Variants in AGMO observed in about 807,000 individuals in gnomAD.
The protein encoded by AGMO is glyceryl-ether monooxygenase.
Under a neutral mutation model 60.2 loss-of-function variants are expected in AGMO, and 75 were observed. That is an observed-to-expected ratio of 1.25 (90% CI 1.03 to 1.51). The LOEUF (loss-of-function observed/expected upper bound fraction) is 1.51. Ranked by LOEUF, AGMO falls within the 40% of genes most tolerant of loss-of-function variation. AGMO has a pLI of 0.00. For synonymous variants in AGMO, 261 were observed against 177.1 expected, an observed-to-expected ratio of 1.47 and a Z score of -3.76; for missense variants, 763 against 525.5, an observed-to-expected ratio of 1.45 and a Z score of -4.42.
chr7:15,195,792 C>T (rs939114697), downstream of AGMO, among the ~76,000 whole-genome samples: 1 of 152,146 alleles, frequency 6.6e-6, no homozygotes, highest in African/African-American at 2.4e-5. Flanking sequence ...CTTCCTTATC[C>T]TCATAATCTG....
intron 12 of AGMO, among the ~76,000 whole-genome samples, chr7:15,342,084 T>A (rs1430459949): frequency 6.8e-6 from 1 of 146,452 alleles, no homozygotes; most frequent in East Asian, 2.0e-4. Context: ...GGTCACAGGC[T>A]GAATCATAGG....
intron 12 of AGMO, among the ~76,000 whole-genome samples, chr7:15,213,519 G>A (rs1781653914): frequency 6.6e-6 from 1 of 151,804 alleles, no homozygotes; most frequent in Admixed American, 6.6e-5. Context: ...CAGAAATATT[G>A]GTTCTTGTCC....
At position 15,390,674 on chromosome 7, in the gene AGMO, C is replaced by T; in HGVS notation, c.819G>A (p.Val273=). The change falls in exon 8 of 13, where the codon GTG becomes GTA. Residue 273 remains valine, a synonymous_variant. Coordinates refer to ENST00000342526, the MANE Select transcript of AGMO (RefSeq NM_001004320.2). ...GAATAAAAAACAAGTATGTTACCTG[C>T]ACTTTGATTGGTTCAAATGTATTAA... ...HPINTFEPIK[V]QFHHLFSIWT... 1 of 1,588,932 alleles carries T rather than the reference C, an allele frequency of 6.3e-7. No individual in the cohort carries two copies. Among genetic ancestry groups the T allele is most frequent in the Non-Finnish European group, 8.6e-7 (1 of 1,164,154 alleles).
intron 2 of AGMO, among the ~76,000 whole-genome samples, chr7:15,557,420 A>G (rs1298030298): frequency 6.6e-6 from 1 of 152,070 alleles, no homozygotes; most frequent in South Asian, 2.1e-4. Flanking sequence ...TTGCCGTGTT[A>G]ATCTAACCCT....
the AGMO span, among the ~76,000 whole-genome samples, chr7:15,158,360 AAG>A: frequency 7.0e-4 from 107 of 152,298 alleles, 1 homozygote; most frequent in South Asian, 5.8e-3. Context: ...CACATTCTAA[AAG>A]AGAAACTATG....
At chr7:15,393,423 T>C (rs1256128243) in intron 6 of AGMO, among the ~76,000 whole-genome samples, 2 of 152,258 alleles carry the variant, frequency 1.3e-5, no homozygotes, top group African/African-American at 2.4e-5. Flanking sequence ...GGCATTTTCA[T>C]TGTTATATCC....
chr7:15,394,204 A>C, intron 5 of AGMO, 25 bp from the exon 6 acceptor site: 1 of 1,481,082 alleles, frequency 6.8e-7, no homozygotes, highest in South Asian at 1.1e-5. Flanking sequence ...AGGAATATTT[A>C]TACATGTAGT....
chr7:15,474,388 A>G (rs1782533697), intron 3 of AGMO, among the ~76,000 whole-genome samples: 7 of 152,166 alleles, frequency 4.6e-5, no homozygotes, highest in Admixed American at 4.6e-4. Flanking sequence ...GGCCTCAGAA[A>G]TAACACCACA....
chr7:15,203,653 C>G (rs796821833), intron 12 of AGMO, among the ~76,000 whole-genome samples: 3 of 151,918 alleles, frequency 2.0e-5, no homozygotes, highest in Non-Finnish European at 4.4e-5. Flanking sequence ...GTCCCACATG[C>G]CTTTATTAGA....
At chr7:15,529,175 A>C (rs937890508) in intron 3 of AGMO, among the ~76,000 whole-genome samples, 1 of 152,046 alleles carries the variant, frequency 6.6e-6, no homozygotes, top group Non-Finnish European at 1.5e-5. Flanking sequence ...TCAATTTCTT[A>C]GGTATAATCA....
intron 4 of AGMO, among the ~76,000 whole-genome samples, chr7:15,421,301 G>A (rs954438213): frequency 7.2e-5 from 11 of 152,062 alleles, no homozygotes; most frequent in African/African-American, 1.7e-4. Context: ...CTTCATCAGC[G>A]AGTCTTCGGT....
chr7:15,392,055 A>G lies in AGMO; in HGVS notation c.677-1150T>C, dbSNP rs1018881244. On this transcript the variant is annotated intron_variant, in intron 6 of 12. Coordinates refer to ENST00000342526, the MANE Select transcript of AGMO (RefSeq NM_001004320.2). ...GTGGACTTGTTCTTCTCGACTTCCT[A>G]TATTTTTTATTTTTTAATTTAATTT... 4.6e-5 allele frequency among the ~76,000 whole-genome samples: 7 copies of G among 151,904 alleles called. No homozygotes were observed. In the East Asian group the frequency reaches 9.7e-4, roughly 21 times the overall value.
chr7:15,538,349 C>T (rs1784531496), intron 3 of AGMO, among the ~76,000 whole-genome samples: 1 of 152,138 alleles, frequency 6.6e-6, no homozygotes, highest in Non-Finnish European at 1.5e-5. Flanking sequence ...CTTACTGCCT[C>T]AGCCTTCTGA....
intron 3 of AGMO, among the ~76,000 whole-genome samples, chr7:15,531,011 A>ATG (rs373296509): frequency 0.13 from 4,728 of 36,414 alleles, 1,754 homozygotes; most frequent in African/African-American, 0.17. Flanking sequence ...TATATTCTAT[A>ATG]TATATTCTAT....
intron 8 of AGMO, among the ~76,000 whole-genome samples, chr7:15,388,387 G>A (rs911753587): frequency 3.9e-5 from 6 of 152,036 alleles, no homozygotes; most frequent in Non-Finnish European, 8.8e-5. Flanking sequence ...CTGAGGAATA[G>A]GTAAATGTTA....
chr7:15,307,502 A>C (rs2128529677), intron 12 of AGMO, among the ~76,000 whole-genome samples: 1 of 152,180 alleles, frequency 6.6e-6, no homozygotes, highest in Non-Finnish European at 1.5e-5. Flanking sequence ...GGATGTTCTG[A>C]AATAAATCAG....
chr7:15,283,937 C>G (rs73279665), intron 12 of AGMO, among the ~76,000 whole-genome samples: 5,154 of 151,980 alleles, frequency 0.034, 314 homozygotes, highest in African/African-American at 0.12. Context: ...AACCCTCAAA[C>G]TAGACAAATA....
the AGMO span, among the ~76,000 whole-genome samples, chr7:15,191,456 G>C: frequency 6.6e-6 from 1 of 152,146 alleles, no homozygotes; most frequent in East Asian, 1.9e-4. Context: ...CAGGTGTTTT[G>C]ATGCAGATAA....
the AGMO span, among the ~76,000 whole-genome samples, chr7:15,172,996 A>G: frequency 2.6e-5 from 4 of 152,200 alleles, no homozygotes; most frequent in Non-Finnish European, 5.9e-5. Context: ...AGGTCTCATT[A>G]CATATCCTTA....
Sources: allele counts gnomAD v4.1 joint callset (sites outside exome capture counted in the v4.1 genomes callset), GRCh38; gene constraint gnomAD v4.1.1; transcripts MANE v1.5; gene names NCBI Gene and HGNC (gene_info 2026-07-23, HGNC 2026-07-21).